The following TGFBR3 variants were observed in gnomAD, a reference collection of about 807,000 sequenced individuals.
The protein encoded by TGFBR3 is transforming growth factor beta receptor type 3.
In TGFBR3, 46 loss-of-function variants were observed where a neutral mutation model predicts 87.9. That is an observed-to-expected ratio of 0.52 (90% CI 0.41 to 0.67). The LOEUF (loss-of-function observed/expected upper bound fraction) is 0.67, where lower values mean the gene tolerates loss of function less well. Among genes scored for constraint, TGFBR3 ranks in the 30% least tolerant of loss-of-function variants. The pLI is 0.00. For missense variants in TGFBR3, 866 were observed against 1,041.9 expected (o/e 0.83, Z 2.32); for synonymous variants, 381 against 391.6 (o/e 0.97, Z 0.32).
At chr1:91,743,433 T>C (rs187561970) in intron 4 of TGFBR3, among the ~76,000 whole-genome samples, 9 of 152,306 alleles carry the variant, frequency 5.9e-5, no homozygotes, top group African/African-American at 2.2e-4. Context: ...TTCAAGTCTA[T>C]TCAAATGTTA....
chr1:91,696,740 T>G (rs1671446238), intron 15 of TGFBR3, among the ~76,000 whole-genome samples: 2 of 152,246 alleles, frequency 1.3e-5, no homozygotes, highest in Admixed American at 1.3e-4. Flanking sequence ...ATTATCATAT[T>G]ATTTCTACTT....
chr1:91,801,784 T>C (rs1675637088), intron 2 of TGFBR3, among the ~76,000 whole-genome samples: 1 of 152,068 alleles, frequency 6.6e-6, no homozygotes, highest in South Asian at 2.1e-4. Flanking sequence ...CCTCAAAAAG[T>C]GTGCCAGCAT....
At chr1:91,719,763 C>T in intron 9 of TGFBR3, 130 bp downstream of exon 9, 3 of 1,073,076 alleles carry the variant, frequency 2.8e-6, no homozygotes, top group Non-Finnish European at 4.2e-6. Context: ...TAGGCCCATC[C>T]AACTGAGAAA....
intron 1 of TGFBR3, among the ~76,000 whole-genome samples, chr1:91,880,608 A>AAT (rs1679045108): frequency 6.6e-6 from 1 of 152,076 alleles, no homozygotes; most frequent in Non-Finnish European, 1.5e-5. Context: ...AAAAAAAATA[A>AAT]AAATAAAAAT....
At position 91,683,722 on chromosome 1, in the gene TGFBR3, G is replaced by C. The variant is rs371085991; in HGVS notation, c.*17C>G. ...AGCTGGGCTGGGCTGGGTTGGGCCG[G>C]GTTGGGCTGGGTTGGGCTAGGCCGT... On this transcript the variant is annotated 3_prime_UTR_variant, in exon 17 of 17. Coordinates refer to ENST00000212355, the MANE Select transcript of TGFBR3 (RefSeq NM_003243.5). The C allele has an allele frequency of 3.9e-6, 6 of 1,542,268 alleles. No homozygotes were observed. The highest frequency in any genetic ancestry group is 1.4e-5 in the African/African-American group (1 of 73,500).
intron 1 of TGFBR3, among the ~76,000 whole-genome samples, chr1:91,877,087 C>A (rs1281133398): frequency 6.6e-6 from 1 of 152,134 alleles, no homozygotes; most frequent in African/African-American, 2.4e-5. Context: ...TCTTACCTAT[C>A]TACCTACTTG....
At chr1:91,703,093 AT>A (rs1671678014) in intron 14 of TGFBR3, among the ~76,000 whole-genome samples, 1 of 152,064 alleles carries the variant, frequency 6.6e-6, no homozygotes, top group Non-Finnish European at 1.5e-5. Context: ...AAAAAAAAAA[AT>A]ATGATATCCC....
At chr1:91,698,214 A>G in intron 14 of TGFBR3, 84 bp from the exon 15 acceptor site, 1 of 1,147,894 alleles carries the variant, frequency 8.7e-7, no homozygotes, top group Non-Finnish European at 1.3e-6. Context: ...GCAGAAACTG[A>G]CACTTTTCCA....
At chr1:91,815,358 T>C (rs1249655120) in intron 2 of TGFBR3, among the ~76,000 whole-genome samples, 2 of 139,220 alleles carry the variant, frequency 1.4e-5, no homozygotes, top group South Asian at 2.3e-4. Context: ...AGTCCTGTCC[T>C]AGCTAATCCT....
chr1:91,800,276 ACACT>A (rs1198953946), intron 2 of TGFBR3, among the ~76,000 whole-genome samples: 1 of 140,176 alleles, frequency 7.1e-6, no homozygotes, highest in Non-Finnish European at 1.5e-5. Context: ...ACACACACAC[ACACT>A]CACGCATATA....
chr1:91,712,397 G>T lies in TGFBR3; in HGVS notation c.2012C>A (p.Pro671His), dbSNP rs777757403. ...PKDESVKFYS[P>H]KRVHFPIPQA... is the part of the protein sequence containing the mutation. ...CGGGATAGGAAAGTGCACTCTCTTG[G>T]GACTGTAGAATTTCACAGATTCATC... is the stretch of plus-strand genomic sequence containing the variant. Residue 671 changes from proline to histidine, a missense_variant, in exon 13 of 17, where the codon CCC becomes CAC. Transcript: ENST00000212355. 2 of 1,614,134 alleles carry T rather than the reference G, an allele frequency of 1.2e-6. No individual in the cohort carries two copies. Among genetic ancestry groups the T allele is most frequent in the Non-Finnish European group, 1.7e-6 (2 of 1,180,012 alleles).
chr1:91,749,669 G>A (rs569693925), intron 4 of TGFBR3, among the ~76,000 whole-genome samples: 1 of 152,284 alleles, frequency 6.6e-6, no homozygotes, highest in South Asian at 2.1e-4. Flanking sequence ...GAGATGGAGA[G>A]TGTAGGTCAC....
chr1:91,803,137 G>A (rs1295288967), intron 2 of TGFBR3, among the ~76,000 whole-genome samples: 2 of 152,126 alleles, frequency 1.3e-5, no homozygotes, highest in Admixed American at 6.5e-5. Flanking sequence ...GACTTACAAG[G>A]CCCTCCAAGA....
At chr1:91,833,410 A>AAG (rs527693671) in intron 2 of TGFBR3, among the ~76,000 whole-genome samples, 1 of 137,442 alleles carries the variant, frequency 7.3e-6, no homozygotes, top group African/African-American at 2.8e-5. Flanking sequence ...GCAGAGAGCC[A>AAG]AGATCACACC....
At chr1:91,797,177 T>A in intron 3 of TGFBR3, 110 bp downstream of exon 3, 1 of 1,178,678 alleles carries the variant, frequency 8.5e-7, no homozygotes. Flanking sequence ...CTTATGTTCA[T>A]ACATGAGCTT....
chr1:91,775,611 T>G (rs1674540747), intron 3 of TGFBR3, among the ~76,000 whole-genome samples: 2 of 152,190 alleles, frequency 1.3e-5, no homozygotes, highest in South Asian at 4.1e-4. Context: ...TACATTTTTA[T>G]AAAATTGAAG....
chr1:91,823,834 A>G (rs1334758331), intron 2 of TGFBR3, among the ~76,000 whole-genome samples: 2 of 152,244 alleles, frequency 1.3e-5, no homozygotes, highest in East Asian at 3.8e-4. Flanking sequence ...ATGTACCTTT[A>G]AATGTGTGCA....
At chr1:91,886,219 G>C (rs145149830), upstream of TGFBR3, 1,299 of 449,328 alleles carry the variant, frequency 2.9e-3, 7 homozygotes, top group Middle Eastern at 4.9e-3. Context: ...CGGGCAGGAC[G>C]CCACAGCAAT....
chr1:91,895,160 A>G (rs545606243), intron 2 of TGFBR3, among the ~76,000 whole-genome samples: 24 of 152,262 alleles, frequency 1.6e-4, no homozygotes, highest in East Asian at 3.9e-4. Flanking sequence ...GTAATCCCCA[A>G]TGTTGGAAGT....
Sources: allele counts gnomAD v4.1 joint callset (sites outside exome capture counted in the v4.1 genomes callset), GRCh38; gene constraint gnomAD v4.1.1; transcripts MANE v1.5; gene names NCBI Gene and HGNC (gene_info 2026-07-23, HGNC 2026-07-21).